The following VPS13B variants were observed in gnomAD, a reference collection of about 807,000 sequenced individuals.
VPS13B encodes intermembrane lipid transfer protein VPS13B.
In VPS13B, 285 loss-of-function variants were observed where a neutral mutation model predicts 426.4. That is an observed-to-expected ratio of 0.67 (90% CI 0.61 to 0.74). VPS13B has a LOEUF of 0.74. Among genes scored for constraint, VPS13B ranks in the 30% least tolerant of loss-of-function variants. The pLI is 0.00. For missense variants in VPS13B, 4,537 were observed against 4,782.6 expected (o/e 0.95, Z 1.51); for synonymous variants, 1,676 against 1,676.4 (o/e 1.00, Z 0.01).
chr8:99,535,396 T>A (rs1043902542), intron 30 of VPS13B, among the ~76,000 whole-genome samples: 4 of 152,204 alleles, frequency 2.6e-5, no homozygotes, highest in Non-Finnish European at 5.9e-5. Context: ...GAAATACTTA[T>A]CCTGTTTGAA....
chr8:99,450,317 T>G (rs888601814), intron 23 of VPS13B, among the ~76,000 whole-genome samples: 1 of 152,226 alleles, frequency 6.6e-6, no homozygotes, highest in African/African-American at 2.4e-5. Flanking sequence ...TAATGATTCA[T>G]TGTCTATATT....
In VPS13B at chr8:99,637,637, A is replaced by G. The variant is rs113792947; in HGVS notation, c.5221-4174A>G. The stretch of plus-strand genomic sequence containing the variant: ...CTTGACATTTGCTGGAGACTAATGT[A>G]GCAGTCTCAGCACATAATATAGGCT... On this transcript the variant is annotated intron_variant, in intron 33 of 61. Transcript: ENST00000357162. Among the ~76,000 whole-genome samples, 589 of 152,268 alleles carry G rather than the reference A, an allele frequency of 3.9e-3. 6 individuals are homozygous for G. The highest frequency in any genetic ancestry group is 0.013 in the African/African-American group (524 of 41,574).
Position 99,187,634 on chromosome 8 carries a change from T to C in VPS13B, c.2334-5242T>C, listed in dbSNP as rs548325092. On this transcript the variant is annotated intron_variant, in intron 16 of 61. Transcript: ENST00000357162. Reference sequence around the variant, plus strand: ...GTTGGATGGGATAGTGGCTTTCTTATTGGGCAACTGTGTATTTGATTGATC... The same window carrying C: ...GTTGGATGGGATAGTGGCTTTCTTACTGGGCAACTGTGTATTTGATTGATC... Among the ~76,000 whole-genome samples, 6 of 152,288 alleles carry C rather than the reference T, an allele frequency of 3.9e-5. No homozygotes were observed. In the South Asian group the frequency reaches 1.0e-3, roughly 26 times the overall value.
intron 35 of VPS13B, among the ~76,000 whole-genome samples, chr8:99,679,583 C>A (rs1168951364): frequency 6.6e-6 from 1 of 152,186 alleles, no homozygotes; most frequent in South Asian, 2.1e-4. Context: ...CTGACTTATT[C>A]AGGTCAAGAA....
At chr8:99,767,188 C>T (rs1811267546) in intron 40 of VPS13B, among the ~76,000 whole-genome samples, 1 of 151,784 alleles carries the variant, frequency 6.6e-6, no homozygotes, top group Non-Finnish European at 1.5e-5. Context: ...GCTCTGTGAG[C>T]CCTCACTAAG....
intron 3 of VPS13B, among the ~76,000 whole-genome samples, chr8:99,093,147 A>T (rs1452199139): frequency 2.6e-5 from 4 of 152,052 alleles, no homozygotes; most frequent in Non-Finnish European, 4.4e-5. Flanking sequence ...AAATCAATCA[A>T]ATACAGTATC....
intron 2 of VPS13B, among the ~76,000 whole-genome samples, chr8:99,016,101 C>T (rs1841598130): frequency 6.6e-6 from 1 of 152,194 alleles, no homozygotes; most frequent in African/African-American, 2.4e-5. Flanking sequence ...TATTCCATTG[C>T]ATAAAGATTC....
intron 23 of VPS13B, among the ~76,000 whole-genome samples, chr8:99,461,858 A>G (rs1422947931): frequency 6.6e-6 from 1 of 152,124 alleles, no homozygotes; most frequent in Admixed American, 6.5e-5. Context: ...ACATAAACTA[A>G]ATATCAGTTA....
chr8:99,354,492 T>A (rs1300958260), intron 19 of VPS13B, among the ~76,000 whole-genome samples: 2 of 151,658 alleles, frequency 1.3e-5, no homozygotes, highest in Non-Finnish European at 2.9e-5. Flanking sequence ...TAAAACTGCA[T>A]AAAATTTTTT....
chr8:99,334,484 G>A (rs1810711182), intron 19 of VPS13B, among the ~76,000 whole-genome samples: 1 of 152,104 alleles, frequency 6.6e-6, no homozygotes, highest in Non-Finnish European at 1.5e-5. Context: ...GATATTGGCT[G>A]TGGGTTTGTC....
chr8:99,825,332 A>G (rs1169295068), intron 51 of VPS13B, among the ~76,000 whole-genome samples: 2 of 151,952 alleles, frequency 1.3e-5, no homozygotes, highest in African/African-American at 4.8e-5. Flanking sequence ...ACCAGTGATG[A>G]TGAGTTTTTT....
At chr8:99,690,995 G>A (rs1831629240) in intron 35 of VPS13B, among the ~76,000 whole-genome samples, 1 of 152,180 alleles carries the variant, frequency 6.6e-6, no homozygotes, top group South Asian at 2.1e-4. Context: ...AGCAGAATGT[G>A]ATATATGCTT....
intron 17 of VPS13B, among the ~76,000 whole-genome samples, chr8:99,211,565 A>C (rs919920922): frequency 1.6e-4 from 24 of 152,118 alleles, no homozygotes; most frequent in African/African-American, 5.8e-4. Flanking sequence ...CTGGCAGTTA[A>C]AACTTTTGTT....
intron 31 of VPS13B, among the ~76,000 whole-genome samples, chr8:99,572,858 G>C (rs1324262047): frequency 3.3e-5 from 5 of 152,150 alleles, no homozygotes; most frequent in South Asian, 2.1e-4. Context: ...TCTAGTTCTA[G>C]ATCCTTGAGG....
chr8:99,058,393 T>A (rs988530049), intron 3 of VPS13B, among the ~76,000 whole-genome samples: 3 of 151,514 alleles, frequency 2.0e-5, no homozygotes, highest in African/African-American at 7.2e-5. Context: ...ATAATTATAA[T>A]TAACAAATAA....
intron 40 of VPS13B, among the ~76,000 whole-genome samples, chr8:99,767,359 G>T (rs571165456): frequency 4.4e-4 from 66 of 151,588 alleles, no homozygotes; most frequent in African/African-American, 1.5e-3. Context: ...TTATCCTGGG[G>T]CATTAAAAGA....
chr8:99,567,524 TA>T (rs1215952999), intron 31 of VPS13B, among the ~76,000 whole-genome samples: 1 of 151,984 alleles, frequency 6.6e-6, no homozygotes, highest in Non-Finnish European at 1.5e-5. Context: ...TAACATTATT[TA>T]ATTTTGCCGA....
chr8:99,388,369 G>A (rs879275530), intron 20 of VPS13B, among the ~76,000 whole-genome samples: 3 of 152,004 alleles, frequency 2.0e-5, no homozygotes, highest in Non-Finnish European at 4.4e-5. Flanking sequence ...GGTCATAATA[G>A]GTATGTTGTA....
intron 19 of VPS13B, among the ~76,000 whole-genome samples, chr8:99,313,867 G>C (rs568722322): frequency 8.5e-5 from 13 of 152,236 alleles, no homozygotes; most frequent in African/African-American, 3.1e-4. Context: ...CTCAGCAATG[G>C]TGGGTGCCCC....
Sources: gnomAD v4.1 joint callset for allele counts (sites outside exome capture counted in the v4.1 genomes callset) on GRCh38, gnomAD v4.1.1 for gene constraint, MANE v1.5 for transcripts, NCBI Gene and HGNC (gene_info 2026-07-23, HGNC 2026-07-21) for gene names.